The following ETHE1 variants were observed in gnomAD, a reference collection of about 807,000 sequenced individuals.
ETHE1 encodes persulfide dioxygenase ETHE1, mitochondrial.
Under a neutral mutation model 25.7 loss-of-function variants are expected in ETHE1, and 16 were observed. The ratio of observed to expected loss-of-function variants is 0.62; its 90% CI spans 0.42 to 0.95. The LOEUF (loss-of-function observed/expected upper bound fraction) is 0.95, where lower values mean the gene tolerates loss of function less well. Ranked by LOEUF, ETHE1 falls within the 40% of genes least tolerant of loss-of-function variation. The pLI is 0.00. For synonymous variants in ETHE1, 139 were observed against 135.9 expected, an observed-to-expected ratio of 1.02 and a Z score of -0.16; for missense variants, 300 against 333.6, an observed-to-expected ratio of 0.90 and a Z score of 0.79.
intron 3 of ETHE1, among the ~76,000 whole-genome samples, chr19:43,523,179 G>A (rs1972170056): frequency 6.6e-6 from 1 of 152,174 alleles, no homozygotes; most frequent in African/African-American, 2.4e-5. Flanking sequence ...GGGGTGATGG[G>A]CAAGTTCTGT....
intron 3 of ETHE1, among the ~76,000 whole-genome samples, chr19:43,524,202 T>C (rs1380718158): frequency 6.6e-6 from 1 of 151,654 alleles, no homozygotes; most frequent in African/African-American, 2.4e-5. Flanking sequence ...AAACTCCATC[T>C]CAAATAAATA....
chr19:43,513,607 T>C (rs529840649), intron 3 of ETHE1, among the ~76,000 whole-genome samples: 1 of 152,344 alleles, frequency 6.6e-6, no homozygotes, highest in East Asian at 1.9e-4. Flanking sequence ...TGGATGTATT[T>C]ACCCAATCCC....
In ETHE1 at chr19:43,508,657, T is replaced by A. The variant is rs1201059538; in HGVS notation, c.595+118A>T. ...CTTGCCCAGCCTCAAACACTTAATT[T>A]TTTTTGGCCAGAGAAATTTCTGAGA... is the stretch of plus-strand genomic sequence containing the variant. On this transcript the variant is annotated intron_variant, in intron 5 of 6. Coordinates refer to ENST00000292147, the MANE Select transcript of ETHE1 (RefSeq NM_014297.5). 18 of 897,082 alleles carry A rather than the reference T, an allele frequency of 2.0e-5. No homozygotes were observed. In the East Asian group the frequency reaches 4.8e-4, roughly 24 times the overall value. The allele number at this position is 897,082 out of a possible 1,614,324, so 55.6% of individuals were successfully genotyped here.
At chr19:43,526,855 C>T (rs1220933858) in intron 1 of ETHE1, 196 bp from the exon 2 acceptor site, 3 of 1,476,042 alleles carry the variant, frequency 2.0e-6, no homozygotes, top group Non-Finnish European at 2.7e-6. Flanking sequence ...TCCTAACATC[C>T]CAAAATCAGG....
At chr19:43,526,180 G>C (rs757504408) in intron 3 of ETHE1, 21 bp downstream of exon 3, 1 of 1,614,066 alleles carries the variant, frequency 6.2e-7, no homozygotes, top group South Asian at 1.1e-5. Flanking sequence ...CACCCTCTTG[G>C]GGACCCAGCA....
At position 43,508,826 on chromosome 19, in the gene ETHE1, T is replaced by A. The variant is rs1021259650; in HGVS notation, c.544A>T (p.Ile182Phe). The change falls in exon 5 of 7, where the codon ATC becomes TTC. Residue 182 changes from isoleucine (I) to phenylalanine (F), a missense_variant. Physicochemically the swap from Ile to Phe is conservative, Grantham distance 21 (BLOSUM62 0). Coordinates refer to ENST00000292147, the MANE Select transcript of ETHE1 (RefSeq NM_014297.5). ...KTLYHSVHEK[I>F]FTLPGDCLIY... ...AGACAGTCTCCTGGAAGTGTGAAGA[T>A]CTTTTCATGGACCGAGTGGTACAAG... 1 of 1,608,954 alleles carries A rather than the reference T, an allele frequency of 6.2e-7. No homozygotes were observed. Among genetic ancestry groups the A allele is most frequent in the Non-Finnish European group, 8.5e-7 (1 of 1,178,144 alleles).
At chr19:43,514,209 T>TC (rs1971975832) in intron 3 of ETHE1, among the ~76,000 whole-genome samples, 1 of 152,068 alleles carries the variant, frequency 6.6e-6, no homozygotes, top group African/African-American at 2.4e-5. Context: ...GCTCCCATAA[T>TC]CCCCATGGGT....
At chr19:43,525,171 G>A (rs564143998) in intron 3 of ETHE1, among the ~76,000 whole-genome samples, 265 of 150,526 alleles carry the variant, frequency 1.8e-3, no homozygotes, top group African/African-American at 6.2e-3. Context: ...AAAAAACACT[G>A]AAGCTAAATC....
Position 43,506,733 on chromosome 19 carries a change from G to C in ETHE1, c.*117C>G, listed in dbSNP as rs916748051. The C allele has an allele frequency of 1.1e-5, 11 of 1,038,432 alleles. No homozygotes were observed. The highest frequency in any genetic ancestry group is 1.6e-5 in the African/African-American group (1 of 63,718). The allele number at this position is 1,038,432 out of a possible 1,614,324, so 64.3% of individuals were successfully genotyped here. The stretch of plus-strand genomic sequence containing the variant: ...AGAAGTCAGACTCACGTTAAAAAAA[G>C]TTTTATTTAGGGAGCTCCAGGGAAT... On this transcript the variant is annotated 3_prime_UTR_variant, in exon 7 of 7. Transcript: ENST00000292147.
intron 3 of ETHE1, 131 bp downstream of exon 3, chr19:43,526,070 A>T: frequency 7.2e-7 from 1 of 1,392,590 alleles, no homozygotes; most frequent in Non-Finnish European, 1.0e-6. Context: ...ATATGAGCTC[A>T]GGGGTCAGAA....
chr19:43,519,505 C>G (rs1972097669), intron 3 of ETHE1, among the ~76,000 whole-genome samples: 1 of 152,188 alleles, frequency 6.6e-6, no homozygotes, highest in South Asian at 2.1e-4. Context: ...ATTCATTCTT[C>G]CCTTCCATGA....
chr19:43,521,969 C>T (rs1296898806), intron 3 of ETHE1, among the ~76,000 whole-genome samples: 1 of 152,114 alleles, frequency 6.6e-6, no homozygotes, highest in Non-Finnish European at 1.5e-5. Context: ...CTTTGGGAGG[C>T]TGAGGCAAGG....
rs571650205 is a variant in ETHE1, at chr19:43,510,460, G to A, written c.505+977C>T. On this transcript the variant is annotated intron_variant, in intron 4 of 6. Transcript: ENST00000292147. ...AAGTAAATCTCTGCCTCAGCCTCCC[G>A]AGTAGCTGGGACTACAGGCACCCAC... Among the ~76,000 whole-genome samples the A allele has an allele frequency of 3.6e-4, 53 of 149,150 alleles. 2 individuals are homozygous for A. In the South Asian group the frequency reaches 4.2e-3, roughly 12 times the overall value.
At chr19:43,514,348 T>C (rs1226590451) in intron 3 of ETHE1, among the ~76,000 whole-genome samples, 1 of 152,100 alleles carries the variant, frequency 6.6e-6, no homozygotes, top group Non-Finnish European at 1.5e-5. Flanking sequence ...GCACACACTT[T>C]CTTGCCTGTC....
At chr19:43,508,091 A>T in intron 5 of ETHE1, 31 bp from the exon 6 acceptor site, 1 of 1,612,096 alleles carries the variant, frequency 6.2e-7, no homozygotes, top group Non-Finnish European at 8.5e-7. Flanking sequence ...AGGAAAGTCA[A>T]GGAGTCTAGT....
chr19:43,508,874 G>C lies in ETHE1; in HGVS notation c.506-10C>G, dbSNP rs763562161. The C allele has an allele frequency of 4.4e-6, 7 of 1,595,862 alleles. No homozygotes were observed. The highest frequency in any genetic ancestry group is 6.0e-6 in the Non-Finnish European group (7 of 1,170,128). ...AAGGTCTTGGCACAGCCTGGGGAAG[G>C]AAAGATCAGAGGTCAGTGGATCAAC... On this transcript the variant is annotated splice_polypyrimidine_tract_variant and intron_variant, in intron 4 of 6. Coordinates refer to ENST00000292147, the MANE Select transcript of ETHE1 (RefSeq NM_014297.5).
At position 43,511,470 on chromosome 19, in the gene ETHE1, T is replaced by C. The variant is rs1568493523; in HGVS notation, c.472A>G (p.Ile158Val). The C allele has an allele frequency of 6.2e-7, 1 of 1,614,110 alleles. No homozygotes were observed. Among genetic ancestry groups the C allele is most frequent in the African/African-American group, 1.3e-5 (1 of 75,024 alleles). The stretch of plus-strand genomic sequence containing the variant: ...AAGTCTGTCCGCCCACACCCACGGA[T>C]CAACAGGGCATCTCCAGTGAAGGCC... ...SMAFTGDALL[I>V]RGCGRTDFQQ... Residue 158 changes from isoleucine to valine, a missense_variant, in exon 4 of 7, where the codon ATC becomes GTC. Ile to Val is a conservative substitution (Grantham distance 29). Transcript: ENST00000292147.
At position 43,519,626 on chromosome 19, in the gene ETHE1, A is replaced by G. The variant is rs10416091; in HGVS notation, c.375+6575T>C. Among the ~76,000 whole-genome samples the G allele has an allele frequency of 2.7e-3, 410 of 152,246 alleles. 3 individuals carry two copies. The highest frequency in any genetic ancestry group is 9.4e-3 in the African/African-American group (392 of 41,536). On this transcript the variant is annotated intron_variant, in intron 3 of 6. Coordinates refer to ENST00000292147, the MANE Select transcript of ETHE1 (RefSeq NM_014297.5). ...AACATAACCCAGAAGGAATCCTGTAAAGCATTCAGCTTGCTGGCCTTGGAG... is the reference window on the plus strand; with the variant it reads ...AACATAACCCAGAAGGAATCCTGTAGAGCATTCAGCTTGCTGGCCTTGGAG...
chr19:43,517,587 G>A lies in ETHE1; in HGVS notation c.376-6021C>T, dbSNP rs142571555. Among the ~76,000 whole-genome samples the A allele has an allele frequency of 2.6e-3, 400 of 151,436 alleles. 6 individuals are homozygous for A. Among genetic ancestry groups the A allele is most frequent in the African/African-American group, 8.9e-3 (367 of 41,304 alleles). On this transcript the variant is annotated intron_variant, in intron 3 of 6. Transcript: ENST00000292147. The stretch of plus-strand genomic sequence containing the variant: ...AGGTCAGGAGTTCAAGATCAGCCTC[G>A]CCAACATGGTGAAACCCCATCTCCA...
Sources: allele counts gnomAD v4.1 joint callset (sites outside exome capture counted in the v4.1 genomes callset), GRCh38; gene constraint gnomAD v4.1.1; transcripts MANE v1.5; gene names NCBI Gene and HGNC (gene_info 2026-07-23, HGNC 2026-07-21).